PUDP: variants seen among roughly 807,000 people sequenced by gnomAD.
PUDP encodes the protein pseudouridine 5'-phosphatase.
A neutral mutation model predicts 9.4 loss-of-function variants in PUDP; 8 were observed. The observed-to-expected ratio is 0.85, with a 90% CI of 0.50 to 1.53. The LOEUF (loss-of-function observed/expected upper bound fraction) is 1.53. Ranked by LOEUF, PUDP falls within the 40% of genes most tolerant of loss-of-function variation. The pLI is 0.00. For missense variants in PUDP, 188 were observed against 189.7 expected (o/e 0.99, Z 0.05); for synonymous variants, 99 against 80.7 (o/e 1.23, Z -1.22).
chrX:6,890,052 G>A (rs1266597006), intron 3 of PUDP, among the ~76,000 whole-genome samples: 1 of 111,423 alleles, frequency 9.0e-6, no homozygotes, highest in African/African-American at 3.3e-5. Context: ...ATGGGAGTTT[G>A]GTTAATCAGT....
At chrX:6,817,601 G>T (rs1330031566) in intron 3 of PUDP, among the ~76,000 whole-genome samples, 1 of 111,583 alleles carries the variant, frequency 9.0e-6, no homozygotes, top group Non-Finnish European at 1.9e-5. Flanking sequence ...ACTAAGTCCT[G>T]CCCACACACA....
In PUDP at chrX:7,134,929, C is replaced by T. The variant is rs182760447; in HGVS notation, c.61+13124G>A. Among the ~76,000 whole-genome samples the T allele has an allele frequency of 1.3e-4, 15 of 112,244 alleles. No individual in the cohort carries two copies. The East Asian group carries it at 4.2e-3, about 31-fold the overall frequency. On this transcript the variant is annotated intron_variant, in intron 1 of 3. Coordinates refer to ENST00000381077, the MANE Select transcript of PUDP (RefSeq NM_012080.5). ...GTTTCTACGATAACCAAATAATTTT[C>T]CTTTTAAAAAGCAAGAGTTAAAAGG...
At chrX:6,998,038 C>G (rs1330151549) in intron 1 of PUDP, among the ~76,000 whole-genome samples, 2 of 111,744 alleles carry the variant, frequency 1.8e-5, no homozygotes, top group African/African-American at 6.5e-5. Context: ...AATTGACAAG[C>G]TTTTTCATCA....
At chrX:6,729,850 T>A (rs58108239) in intron 3 of PUDP, among the ~76,000 whole-genome samples, 1,658 of 110,942 alleles carry the variant, frequency 0.015, 32 homozygotes, top group African/African-American at 0.052. Context: ...GTGCCCACCT[T>A]ATCTAAAGAA....
At chrX:6,723,007 G>A (rs1012181373), upstream of PUDP, among the ~76,000 whole-genome samples, 3 of 110,803 alleles carry the variant, frequency 2.7e-5, no homozygotes, top group Admixed American at 9.6e-5. Context: ...TAGTAAAGTT[G>A]CAAATGTACC....
downstream of PUDP, among the ~76,000 whole-genome samples, chrX:7,047,933 G>T (rs1930005524): frequency 8.9e-6 from 1 of 112,356 alleles, no homozygotes; most frequent in South Asian, 3.7e-4. Context: ...TGTAATCAAA[G>T]AAATATAAAC....
chrX:6,728,818 G>T (rs922974292), intron 3 of PUDP, among the ~76,000 whole-genome samples: 1 of 111,362 alleles, frequency 9.0e-6, no homozygotes, highest in Non-Finnish European at 1.9e-5. Flanking sequence ...TTTCCCTGAT[G>T]TCCCTTTTTT....
intron 1 of PUDP, 44 bp from the exon 2 acceptor site, chrX:7,105,882 A>C: frequency 1.1e-6 from 1 of 930,359 alleles, no homozygotes; most frequent in South Asian, 2.3e-5. Context: ...ATACTGTATG[A>C]ACAGTAAGTT....
At chrX:7,039,560 T>C (rs1249490725) in intron 1 of PUDP, among the ~76,000 whole-genome samples, 2 of 111,459 alleles carry the variant, frequency 1.8e-5, no homozygotes, top group Non-Finnish European at 3.8e-5. Flanking sequence ...CACAGAGAGA[T>C]GACCCTGTGA....
In PUDP at chrX:6,973,191, T is replaced by C. The variant is rs150309127; in HGVS notation, c.*247+3942A>G. Among the ~76,000 whole-genome samples the C allele has an allele frequency of 5.5e-3, 619 of 111,847 alleles. 2 individuals carry two copies. The highest frequency in any genetic ancestry group is 0.019 in the African/African-American group (594 of 30,738). On this transcript the variant is annotated intron_variant and NMD_transcript_variant, in intron 3 of 3. Transcript: ENST00000655425. ...ATTCATTGATTTTTTGAAGAGTTTTTCATGTCTCTATCTCCTTCAGTTCTG... is the reference window on the plus strand; with the variant it reads ...ATTCATTGATTTTTTGAAGAGTTTTCCATGTCTCTATCTCCTTCAGTTCTG...
chrX:6,877,119 G>C (rs1785515898), intron 3 of PUDP, among the ~76,000 whole-genome samples: 1 of 109,874 alleles, frequency 9.1e-6, no homozygotes, highest in Admixed American at 9.8e-5. Context: ...ACCATGCCTG[G>C]CTAATTTTTT....
intron 1 of PUDP, among the ~76,000 whole-genome samples, chrX:7,032,099 A>G (rs1180723323): frequency 1.8e-5 from 2 of 112,479 alleles, no homozygotes; most frequent in Non-Finnish European, 3.8e-5. Context: ...AATTATTTGG[A>G]CAAAAAGTTC....
At chrX:7,065,178 AC>A (rs1930515501) in intron 3 of PUDP, among the ~76,000 whole-genome samples, 2 of 111,541 alleles carry the variant, frequency 1.8e-5, no homozygotes, top group African/African-American at 6.5e-5. Context: ...AAAACAAAAA[AC>A]AAAAAACAAA....
intron 2 of PUDP, among the ~76,000 whole-genome samples, chrX:7,094,348 A>T (rs1307677133): frequency 1.0e-5 from 1 of 96,588 alleles, no homozygotes; most frequent in East Asian, 3.4e-4. Flanking sequence ...TCATTGAATA[A>T]GCTGATTTTT....
chrX:6,724,266 C>G (rs1424597338), upstream of PUDP, among the ~76,000 whole-genome samples: 1 of 110,838 alleles, frequency 9.0e-6, no homozygotes, highest in Non-Finnish European at 1.9e-5. Flanking sequence ...GTTACAATAT[C>G]TCAAACAATA....
intron 3 of PUDP, among the ~76,000 whole-genome samples, chrX:7,066,311 A>G (rs983932597): frequency 9.0e-6 from 1 of 111,643 alleles, no homozygotes; most frequent in Non-Finnish European, 1.9e-5. Context: ...GATTTTTTTG[A>G]GGCATTTGAG....
At chrX:6,802,368 G>C (rs763285449) in intron 3 of PUDP, among the ~76,000 whole-genome samples, 1 of 111,416 alleles carries the variant, frequency 9.0e-6, no homozygotes, top group East Asian at 2.8e-4. Context: ...CATGAGCATC[G>C]TAATGCCGGC....
At chrX:6,711,712 T>G (rs1468603491) in intron 1 of PUDP, among the ~76,000 whole-genome samples, 1 of 111,578 alleles carries the variant, frequency 9.0e-6, no homozygotes, top group Non-Finnish European at 1.9e-5. Context: ...AGCACAACAT[T>G]AGCTAAGGAA....
chrX:6,876,775 A>G (rs1013312547), intron 3 of PUDP, among the ~76,000 whole-genome samples: 1 of 110,792 alleles, frequency 9.0e-6, no homozygotes, highest in Non-Finnish European at 1.9e-5. Context: ...ATATATGTGT[A>G]CCTATAGACA....
Sources: allele counts gnomAD v4.1 joint callset (sites outside exome capture counted in the v4.1 genomes callset), GRCh38; gene constraint gnomAD v4.1.1; transcripts MANE v1.5; gene names NCBI Gene and HGNC (gene_info 2026-07-23, HGNC 2026-07-21).